The following ADAMTSL1 variants were observed in gnomAD, a reference collection of about 807,000 sequenced individuals.
The protein encoded by ADAMTSL1 is ADAMTS like 1.
ADAMTSL1 carries 126 observed loss-of-function variants against 201.8 expected under a neutral mutation model. That is an observed-to-expected ratio of 0.62 (90% confidence interval 0.54 to 0.72). The LOEUF is 0.72. ADAMTSL1 is among the 30% of genes least tolerant of loss of function. The pLI, the probability that ADAMTSL1 is intolerant of heterozygous loss-of-function variation, is 0.00. For synonymous variants in ADAMTSL1, 1,121 were observed against 903.4 expected, an observed-to-expected ratio of 1.24 and a Z score of -4.32; for missense variants, 2,679 against 2,277.8, an observed-to-expected ratio of 1.18 and a Z score of -3.59.
At chr9:18,019,163 G>T (rs759178881) in intron 1 of ADAMTSL1, among the ~76,000 whole-genome samples, 6 of 151,994 alleles carry the variant, frequency 3.9e-5, no homozygotes, top group Non-Finnish European at 8.8e-5. Flanking sequence ...GTGAAAAGTA[G>T]AAAAATATGT....
At chr9:18,544,446 C>A (rs1276518163) in intron 3 of ADAMTSL1, among the ~76,000 whole-genome samples, 3 of 151,952 alleles carry the variant, frequency 2.0e-5, no homozygotes, top group Admixed American at 2.0e-4. Flanking sequence ...AAACTGATTT[C>A]TGTTTGATGG....
chr9:18,672,638 A>G (rs1829892729), intron 9 of ADAMTSL1, among the ~76,000 whole-genome samples: 1 of 152,082 alleles, frequency 6.6e-6, no homozygotes, highest in African/African-American at 2.4e-5. Context: ...TGTACATTCT[A>G]TTTCATATTC....
intron 2 of ADAMTSL1, among the ~76,000 whole-genome samples, chr9:18,289,928 A>T (rs1833183791): frequency 6.6e-6 from 1 of 152,214 alleles, no homozygotes; most frequent in Non-Finnish European, 1.5e-5. Context: ...CTAGTGAGAA[A>T]TACTGAGTTT....
chr9:18,039,835 G>T (rs1467315465), intron 1 of ADAMTSL1, among the ~76,000 whole-genome samples: 1 of 152,126 alleles, frequency 6.6e-6, no homozygotes, highest in Non-Finnish European at 1.5e-5. Context: ...TTTGGGTTTT[G>T]GGAGGAAGGT....
chr9:18,600,846 CAA>C (rs1251057279), intron 4 of ADAMTSL1, among the ~76,000 whole-genome samples: 1 of 152,112 alleles, frequency 6.6e-6, no homozygotes, highest in Admixed American at 6.5e-5. Context: ...ATGGTTGTTT[CAA>C]AAGAAAAAGA....
chr9:18,199,087 C>T (rs1056926707), intron 2 of ADAMTSL1, among the ~76,000 whole-genome samples: 3 of 137,650 alleles, frequency 2.2e-5, no homozygotes, highest in Non-Finnish European at 4.6e-5. Context: ...GGAAGGGGAA[C>T]ATCACACTCT....
chr9:17,941,892 G>A (rs1353208395), intron 1 of ADAMTSL1, among the ~76,000 whole-genome samples: 1 of 152,080 alleles, frequency 6.6e-6, no homozygotes, highest in African/African-American at 2.4e-5. Context: ...GCTTCTCTGT[G>A]TTCTCATGTG....
chr9:17,976,817 C>A (rs368637281), intron 1 of ADAMTSL1, among the ~76,000 whole-genome samples: 1 of 149,756 alleles, frequency 6.7e-6, no homozygotes, highest in Non-Finnish European at 1.5e-5. Context: ...AATTTGGATG[C>A]CTTTTATTTT....
chr9:18,469,092 T>C (rs1821111363), intron 2 of ADAMTSL1, among the ~76,000 whole-genome samples: 1 of 152,256 alleles, frequency 6.6e-6, no homozygotes, highest in Non-Finnish European at 1.5e-5. Context: ...TCCACAGCTG[T>C]AAAGCCTTTC....
At chr9:18,434,904 T>C (rs1337626752) in intron 2 of ADAMTSL1, among the ~76,000 whole-genome samples, 1 of 152,236 alleles carries the variant, frequency 6.6e-6, no homozygotes, top group Non-Finnish European at 1.5e-5. Context: ...ATTCTTCGAC[T>C]GGTGTCTAAG....
At chr9:18,688,658 T>TAAAAAAAAA (rs1270730704) in intron 13 of ADAMTSL1, among the ~76,000 whole-genome samples, 1 of 6,596 alleles carries the variant, frequency 1.5e-4, no homozygotes, top group Non-Finnish European at 3.2e-4. Flanking sequence ...ACAGAGCATT[T>TAAAAAAAAA]CAAAAAAAAA....
chr9:18,901,088 G>T (rs1170469936), intron 26 of ADAMTSL1, among the ~76,000 whole-genome samples: 1 of 151,612 alleles, frequency 6.6e-6, no homozygotes, highest in South Asian at 2.1e-4. Flanking sequence ...GCAGTTGCTG[G>T]TGCCATGCTT....
chr9:18,052,398 G>A (rs1224346155), intron 1 of ADAMTSL1, among the ~76,000 whole-genome samples: 1 of 152,228 alleles, frequency 6.6e-6, no homozygotes, highest in African/African-American at 2.4e-5. Flanking sequence ...TTCAAGCTGA[G>A]CCTTAAAGAA....
rs184004157 is a variant in ADAMTSL1, at chr9:18,681,526, T to G, written c.1342-286T>G. 16 of 192,574 alleles carry G rather than the reference T, an allele frequency of 8.3e-5. No individual in the cohort carries two copies. The East Asian group carries it at 1.9e-3, about 23-fold the overall frequency. 11.9% of individuals were successfully genotyped at this position (192,574 alleles called of 1,614,324 possible). A position where few individuals can be genotyped will look rare whatever the true frequency, so the allele number is the denominator to read the frequency against. ...TTTTCTCCTTTCTTCTTTTTGGTGC[T>G]TGGTTTGAGACTTTGCACACAGTGG... is the stretch of plus-strand genomic sequence containing the variant. On this transcript the variant is annotated intron_variant, in intron 11 of 28. Transcript: ENST00000380548.
chr9:17,944,025 A>G (rs1029583045), intron 1 of ADAMTSL1, among the ~76,000 whole-genome samples: 1 of 152,044 alleles, frequency 6.6e-6, no homozygotes, highest in African/African-American at 2.4e-5. Context: ...GCACCAAGCC[A>G]TGAGCAATCC....
chr9:18,796,206 G>T (rs540889805), intron 20 of ADAMTSL1, among the ~76,000 whole-genome samples: 119 of 152,274 alleles, frequency 7.8e-4, no homozygotes, highest in African/African-American at 2.9e-3. Flanking sequence ...CCTTTGAAAC[G>T]GAAAGAGAAC....
At chr9:18,524,274 T>A (rs1818892742) in intron 2 of ADAMTSL1, among the ~76,000 whole-genome samples, 1 of 152,206 alleles carries the variant, frequency 6.6e-6, no homozygotes, top group Non-Finnish European at 1.5e-5. Flanking sequence ...TGCTTGTGAT[T>A]TTTGCATATT....
At chr9:18,561,665 G>C (rs749980165) in intron 3 of ADAMTSL1, among the ~76,000 whole-genome samples, 8 of 152,128 alleles carry the variant, frequency 5.3e-5, no homozygotes, top group Non-Finnish European at 8.8e-5. Flanking sequence ...GGGATTCTAA[G>C]TCTCTTTTAG....
At chr9:18,589,151 A>T (rs2132465585) in intron 4 of ADAMTSL1, among the ~76,000 whole-genome samples, 1 of 152,098 alleles carries the variant, frequency 6.6e-6, no homozygotes, top group East Asian at 1.9e-4. Flanking sequence ...TGCTGGGATT[A>T]CAGGCATGAG....
Sources: gnomAD v4.1 joint callset for allele counts (sites outside exome capture counted in the v4.1 genomes callset) on GRCh38, gnomAD v4.1.1 for gene constraint, MANE v1.5 for transcripts, NCBI Gene and HGNC (gene_info 2026-07-23, HGNC 2026-07-21) for gene names.